LDLRAD4: variants seen among roughly 807,000 people sequenced by gnomAD.
LDLRAD4 encodes the protein low density lipoprotein receptor class A domain containing 4.
In LDLRAD4, 5 loss-of-function variants were observed where a neutral mutation model predicts 17.0. That is an observed-to-expected ratio of 0.29 (90% confidence interval 0.15 to 0.62). The LOEUF is 0.62. Ranked by LOEUF, LDLRAD4 falls within the 20% of genes least tolerant of loss-of-function variation. The pLI is 0.84. For missense variants in LDLRAD4, 340 were observed against 424.7 expected (o/e 0.80, Z 1.75); for synonymous variants, 168 against 171.8 (o/e 0.98, Z 0.17).
chr18:13,536,137 A>G (rs992662176), intron 3 of LDLRAD4, among the ~76,000 whole-genome samples: 1 of 152,156 alleles, frequency 6.6e-6, no homozygotes, highest in African/African-American at 2.4e-5. Flanking sequence ...CTTTTCCTTT[A>G]CATAGAAATT....
chr18:13,526,696 T>C (rs548329380), intron 3 of LDLRAD4: 1 of 152,272 alleles, frequency 6.6e-6, no homozygotes, highest in African/African-American at 2.4e-5. Context: ...GCACTTGCCA[T>C]GTGTCATCGT....
intron 4 of LDLRAD4, among the ~76,000 whole-genome samples, chr18:13,623,009 A>T (rs1425495437): frequency 1.3e-5 from 2 of 152,286 alleles, no homozygotes; most frequent in East Asian, 3.9e-4. Context: ...AGTGTGGGTC[A>T]GGCAGCTCCT....
intron 1 of LDLRAD4, among the ~76,000 whole-genome samples, chr18:13,358,207 C>T (rs9948620): frequency 0.33 from 50,405 of 151,826 alleles, 8,392 homozygotes; most frequent in South Asian, 0.39. Flanking sequence ...TTCACTGACA[C>T]GAGGTTATTG....
chr18:13,236,766 G>A (rs1021108697), intron 1 of LDLRAD4, among the ~76,000 whole-genome samples: 3 of 152,106 alleles, frequency 2.0e-5, no homozygotes, highest in South Asian at 2.1e-4. Flanking sequence ...GTTCCATGTC[G>A]GACTTTCAGA....
At chr18:13,389,139 C>T (rs981785668) in intron 2 of LDLRAD4, among the ~76,000 whole-genome samples, 5 of 152,334 alleles carry the variant, frequency 3.3e-5, no homozygotes, top group South Asian at 2.1e-4. Context: ...CTCTCTTGAA[C>T]CATCTTCATA....
At chr18:13,535,144 A>G (rs1245451415) in intron 3 of LDLRAD4, among the ~76,000 whole-genome samples, 5 of 152,242 alleles carry the variant, frequency 3.3e-5, no homozygotes, top group African/African-American at 1.2e-4. Flanking sequence ...GAATATTCAC[A>G]TAGAAGTCTT....
At chr18:13,483,580 C>G (rs1292463371) in intron 3 of LDLRAD4, among the ~76,000 whole-genome samples, 2 of 152,214 alleles carry the variant, frequency 1.3e-5, no homozygotes, top group East Asian at 1.9e-4. Context: ...CATGTGGGTG[C>G]TGTGCCTCTC....
At chr18:13,448,241 C>T (rs1179541569) in intron 3 of LDLRAD4, among the ~76,000 whole-genome samples, 2 of 152,214 alleles carry the variant, frequency 1.3e-5, no homozygotes, top group Non-Finnish European at 2.9e-5. Context: ...GAATGCAGCC[C>T]GCGGGGTGAC....
chr18:13,483,333 T>C (rs1282723698), intron 3 of LDLRAD4, among the ~76,000 whole-genome samples: 3 of 152,240 alleles, frequency 2.0e-5, no homozygotes, highest in Non-Finnish European at 4.4e-5. Context: ...TGCTGAGAAC[T>C]GAGTTCTCTT....
At chr18:13,411,323 T>A (rs1373575004) in intron 2 of LDLRAD4, among the ~76,000 whole-genome samples, 1 of 142,812 alleles carries the variant, frequency 7.0e-6, no homozygotes, top group South Asian at 2.3e-4. Context: ...TTTGTTAGTA[T>A]GCTTATCTCA....
At chr18:13,583,831 C>T (rs1361607907) in intron 3 of LDLRAD4, among the ~76,000 whole-genome samples, 1 of 152,162 alleles carries the variant, frequency 6.6e-6, no homozygotes, top group Non-Finnish European at 1.5e-5. Context: ...TTTCACAGTT[C>T]TGGCATGGCA....
intron 3 of LDLRAD4, chr18:13,471,520 G>C (rs2092773819): frequency 6.6e-6 from 1 of 152,330 alleles, no homozygotes; most frequent in African/African-American, 2.4e-5. Context: ...AGATTCAGAA[G>C]GTCTGGGGTG....
At chr18:13,368,242 A>G (rs771523629) in intron 1 of LDLRAD4, among the ~76,000 whole-genome samples, 1 of 152,246 alleles carries the variant, frequency 6.6e-6, no homozygotes, top group African/African-American at 2.4e-5. Flanking sequence ...GGAGCCGACA[A>G]GAAGCTGAGT....
At chr18:13,575,494 T>C (rs1392224680) in intron 3 of LDLRAD4, among the ~76,000 whole-genome samples, 1 of 152,250 alleles carries the variant, frequency 6.6e-6, no homozygotes, top group East Asian at 1.9e-4. Flanking sequence ...GCTGGTTCCA[T>C]ATCTTTGCAG....
chr18:13,478,760 G>A (rs961811308), intron 3 of LDLRAD4, among the ~76,000 whole-genome samples: 1 of 152,130 alleles, frequency 6.6e-6, no homozygotes, highest in African/African-American at 2.4e-5. Context: ...TTGTTTTTTG[G>A]ATACGGAAAA....
intron 1 of LDLRAD4, among the ~76,000 whole-genome samples, chr18:13,295,663 G>A (rs1283833734): frequency 6.6e-6 from 1 of 152,180 alleles, no homozygotes; most frequent in Non-Finnish European, 1.5e-5. Context: ...GACTCCCAAG[G>A]GGGAAAAGTA....
chr18:13,610,301 T>TCC (rs2039407386), intron 3 of LDLRAD4, among the ~76,000 whole-genome samples: 1 of 64,630 alleles, frequency 1.5e-5, no homozygotes, highest in Admixed American at 1.5e-4. Context: ...TTTTTTTTTT[T>TCC]TTTTGAGACG....
chr18:13,619,928 A>G (rs1361715034), intron 3 of LDLRAD4, among the ~76,000 whole-genome samples: 1 of 151,734 alleles, frequency 6.6e-6, no homozygotes, highest in Non-Finnish European at 1.5e-5. Context: ...CGCCTCTCCT[A>G]TAGGCCCCAG....
intron 1 of LDLRAD4, among the ~76,000 whole-genome samples, chr18:13,359,810 T>G (rs2083556343): frequency 6.6e-6 from 1 of 152,216 alleles, no homozygotes; most frequent in African/African-American, 2.4e-5. Flanking sequence ...GATTGAGCAC[T>G]TCTTGATACA....
Sources: gnomAD v4.1 joint callset for allele counts (sites outside exome capture counted in the v4.1 genomes callset) on GRCh38, gnomAD v4.1.1 for gene constraint, MANE v1.5 for transcripts, NCBI Gene and HGNC (gene_info 2026-07-23, HGNC 2026-07-21) for gene names.